ME1: variants seen among roughly 807,000 people sequenced by gnomAD.
ME1 encodes the protein malic enzyme 1.
ME1 carries 74 observed loss-of-function variants against 66.4 expected under a neutral mutation model. The ratio of observed to expected loss-of-function variants is 1.11; its 90% CI spans 0.92 to 1.35. The LOEUF (loss-of-function observed/expected upper bound fraction) is 1.35, where lower values mean the gene tolerates loss of function less well. ME1 is among the 40% of genes most tolerant of loss of function. The pLI, the probability that ME1 is intolerant of heterozygous loss-of-function variation, is 0.00. For missense variants in ME1, 750 were observed against 694.1 expected, an observed-to-expected ratio of 1.08 and a Z score of -0.90; for synonymous variants, 251 against 235.6, an observed-to-expected ratio of 1.07 and a Z score of -0.60.
chr6:83,355,008 C>T (rs1405697921), intron 3 of ME1, among the ~76,000 whole-genome samples: 1 of 152,132 alleles, frequency 6.6e-6, no homozygotes, highest in Non-Finnish European at 1.5e-5. Context: ...TATTAACTTA[C>T]TAAGCTGACA....
At chr6:83,256,062 T>C (rs972708447) in intron 6 of ME1, among the ~76,000 whole-genome samples, 1 of 152,190 alleles carries the variant, frequency 6.6e-6, no homozygotes, top group African/African-American at 2.4e-5. Flanking sequence ...TTGGCTGTCA[T>C]ACTGGTTTAT....
chr6:83,339,902 A>G (rs1768542463), intron 5 of ME1, among the ~76,000 whole-genome samples: 1 of 138,876 alleles, frequency 7.2e-6, no homozygotes, highest in Admixed American at 7.6e-5. Flanking sequence ...GCGCACCAGC[A>G]TGGCACATGT....
At chr6:83,341,086 A>G (rs533295178) in intron 5 of ME1, among the ~76,000 whole-genome samples, 5 of 152,118 alleles carry the variant, frequency 3.3e-5, no homozygotes, top group Non-Finnish European at 7.3e-5. Context: ...CATCTGCGTC[A>G]TACAGTATCG....
chr6:83,330,947 T>C (rs986013628), intron 5 of ME1, among the ~76,000 whole-genome samples: 1 of 152,196 alleles, frequency 6.6e-6, no homozygotes, highest in Non-Finnish European at 1.5e-5. Context: ...TGACTGGTAT[T>C]CATTCCAATA....
At chr6:83,280,926 ATATT>A (rs1167700843) in intron 6 of ME1, among the ~76,000 whole-genome samples, 1 of 152,230 alleles carries the variant, frequency 6.6e-6, no homozygotes, top group African/African-American at 2.4e-5. Flanking sequence ...AAAAGGGAGA[ATATT>A]TAATCCCTGT....
Position 83,286,678 on chromosome 6 carries a change from C to T in ME1, c.704+28632G>A, listed in dbSNP as rs1767401824. ...GCATACTTGAAAGAAAATTCTTTTG[C>T]ATTTATAACATTTAAGAGAAAAACA... On this transcript the variant is annotated intron_variant, in intron 6 of 13. Coordinates refer to ENST00000369705, the MANE Select transcript of ME1 (RefSeq NM_002395.6). Among the ~76,000 whole-genome samples the T allele has an allele frequency of 1.3e-5, 2 of 152,052 alleles. 1 individual carries two copies. The highest frequency in any genetic ancestry group is 4.1e-4 in the South Asian group (2 of 4,820).
intron 6 of ME1, among the ~76,000 whole-genome samples, chr6:83,266,696 A>C (rs552268671): frequency 1.3e-5 from 2 of 152,304 alleles, no homozygotes; most frequent in East Asian, 1.9e-4. Context: ...ATTTAAGCCC[A>C]AACTGTTTTA....
intron 5 of ME1, 51 bp downstream of exon 5, chr6:83,346,122 T>C (rs767193906): frequency 1.3e-5 from 18 of 1,355,784 alleles, no homozygotes; most frequent in East Asian, 2.6e-5. Flanking sequence ...ATGCAAGAAT[T>C]GATGCCATTT....
At position 83,406,971 on chromosome 6, in the gene ME1, T is replaced by TACACACACAC. The variant is rs59788379; in HGVS notation, c.212+787_212+796dup. Among the ~76,000 whole-genome samples the TACACACACAC allele has an allele frequency of 1.6e-3, 228 of 143,966 alleles. 1 individual carries two copies. The highest frequency in any genetic ancestry group is 0.011 in the East Asian group (52 of 4,932). 94.4% of individuals were successfully genotyped at this position (143,966 alleles called of 152,430 possible). A position where few individuals can be genotyped will look rare whatever the true frequency, so the allele number is the denominator to read the frequency against. On this transcript the variant is annotated intron_variant, in intron 2 of 13. Coordinates refer to ENST00000369705, the MANE Select transcript of ME1 (RefSeq NM_002395.6). ...CCATTTATATTTATATTTTCATTCA[T>TACACACACAC]ACACACACACACACACACACACACA...
chr6:83,380,652 T>C (rs1250204066), intron 3 of ME1, among the ~76,000 whole-genome samples: 1 of 152,090 alleles, frequency 6.6e-6, no homozygotes, highest in Non-Finnish European at 1.5e-5. Context: ...ATGTTGCACC[T>C]TACAATGTTA....
intron 6 of ME1, among the ~76,000 whole-genome samples, chr6:83,289,719 C>G (rs1429703589): frequency 6.6e-6 from 1 of 152,166 alleles, no homozygotes; most frequent in African/African-American, 2.4e-5. Flanking sequence ...ACCAGCTCCT[C>G]TTTGTACCTC....
chr6:83,328,294 C>T (rs1768340232), intron 5 of ME1, among the ~76,000 whole-genome samples: 1 of 152,018 alleles, frequency 6.6e-6, no homozygotes, highest in Non-Finnish European at 1.5e-5. Context: ...GGGAGGGGAA[C>T]ATCACACAGC....
chr6:83,252,898 G>A (rs1421293052), intron 7 of ME1, among the ~76,000 whole-genome samples: 1 of 152,178 alleles, frequency 6.6e-6, no homozygotes, highest in African/African-American at 2.4e-5. Context: ...GAAACAAGGT[G>A]AGTCAACAAT....
intron 6 of ME1, among the ~76,000 whole-genome samples, chr6:83,281,618 C>A (rs1254763680): frequency 3.3e-5 from 5 of 151,432 alleles, no homozygotes; most frequent in Non-Finnish European, 7.4e-5. Flanking sequence ...CCAGCCTGGC[C>A]AAGATGGTGA....
chr6:83,339,965 T>G, intron 5 of ME1, among the ~76,000 whole-genome samples: 2 of 124,140 alleles, frequency 1.6e-5, no homozygotes, highest in African/African-American at 3.0e-5. Context: ...AAACTTAGAG[T>G]ATAATAAAAA....
intron 3 of ME1, among the ~76,000 whole-genome samples, chr6:83,366,392 T>C (rs892773623): frequency 2.0e-5 from 3 of 152,156 alleles, no homozygotes; most frequent in Admixed American, 6.5e-5. Flanking sequence ...ACTATGATGC[T>C]TATCATATTA....
At chr6:83,290,257 G>A (rs1031475670) in intron 6 of ME1, among the ~76,000 whole-genome samples, 3 of 151,942 alleles carry the variant, frequency 2.0e-5, no homozygotes, top group Non-Finnish European at 4.4e-5. Context: ...TTTCTCTTGT[G>A]GGCATTTAGT....
chr6:83,371,922 T>C (rs866096244), intron 3 of ME1, among the ~76,000 whole-genome samples: 1 of 152,198 alleles, frequency 6.6e-6, no homozygotes, highest in African/African-American at 2.4e-5. Context: ...TGTGCCTGAA[T>C]TCCAGTTCTC....
intron 6 of ME1, among the ~76,000 whole-genome samples, chr6:83,272,940 T>G (rs1199769684): frequency 6.6e-6 from 1 of 152,068 alleles, no homozygotes; most frequent in African/African-American, 2.4e-5. Context: ...TTTGGGAGGC[T>G]GAGGCAGGTG....
Sources: gnomAD v4.1 joint callset for allele counts (sites outside exome capture counted in the v4.1 genomes callset) on GRCh38, gnomAD v4.1.1 for gene constraint, MANE v1.5 for transcripts, NCBI Gene and HGNC (gene_info 2026-07-23, HGNC 2026-07-21) for gene names.